Variants in CPEB4 observed in about 807,000 individuals in gnomAD.
CPEB4 encodes cytoplasmic polyadenylation element binding protein 4.
CPEB4 carries 12 observed loss-of-function variants against 72.5 expected under a neutral mutation model. The ratio of observed to expected loss-of-function variants is 0.17; its 90% CI spans 0.11 to 0.27. The LOEUF (loss-of-function observed/expected upper bound fraction) is 0.27. Among genes scored for constraint, CPEB4 ranks in the 10% least tolerant of loss-of-function variants. CPEB4 has a pLI of 1.00. For missense variants in CPEB4, 614 were observed against 908.5 expected (o/e 0.68, Z 4.17); for synonymous variants, 302 against 326.3 (o/e 0.93, Z 0.80).
At chr5:173,953,348 G>T in intron 9 of CPEB4, 76 bp downstream of exon 9, 1 of 1,122,380 alleles carries the variant, frequency 8.9e-7, no homozygotes, top group Non-Finnish European at 1.2e-6. Flanking sequence ...TAGAACGGGA[G>T]CATTTTATGA....
chr5:173,954,896 T>C (rs1758329195), intron 9 of CPEB4, among the ~76,000 whole-genome samples: 1 of 152,206 alleles, frequency 6.6e-6, no homozygotes, highest in Non-Finnish European at 1.5e-5. Context: ...TTCCTGGGCT[T>C]CGTGACACTC....
chr5:173,909,294 T>A (rs934239383), intron 1 of CPEB4, among the ~76,000 whole-genome samples: 1 of 152,240 alleles, frequency 6.6e-6, no homozygotes, highest in Non-Finnish European at 1.5e-5. Context: ...AAATTCTAAC[T>A]CTTATTCTAA....
At chr5:173,949,884 G>A in intron 6 of CPEB4, 76 bp from the exon 7 acceptor site, 1 of 976,700 alleles carries the variant, frequency 1.0e-6, no homozygotes, top group Non-Finnish European at 1.6e-6. Context: ...CTTTAGTTTT[G>A]TGCATGATTC....
chr5:173,946,964 C>A (rs115196775), intron 5 of CPEB4, among the ~76,000 whole-genome samples: 1 of 151,914 alleles, frequency 6.6e-6, no homozygotes, highest in Non-Finnish European at 1.5e-5. Flanking sequence ...TTTTTCCCCC[C>A]CAAGATAAGG....
chr5:173,937,917 G>A (rs1307197321), intron 3 of CPEB4, among the ~76,000 whole-genome samples: 3 of 152,122 alleles, frequency 2.0e-5, no homozygotes, highest in Non-Finnish European at 2.9e-5. Flanking sequence ...CAATGTGATA[G>A]GAATTTCTAA....
At chr5:173,951,501 A>G (rs1758215267) in intron 7 of CPEB4, among the ~76,000 whole-genome samples, 1 of 152,190 alleles carries the variant, frequency 6.6e-6, no homozygotes, top group Non-Finnish European at 1.5e-5. Context: ...AATTTAAATT[A>G]TGTAGATATT....
intron 9 of CPEB4, among the ~76,000 whole-genome samples, chr5:173,953,726 CT>C (rs56660397): frequency 0.62 from 87,563 of 141,540 alleles, 27,000 homozygotes; most frequent in Middle Eastern, 0.7. Flanking sequence ...TCACAGATTT[CT>C]TTTTTTTTTT....
intron 1 of CPEB4, among the ~76,000 whole-genome samples, chr5:173,896,345 G>C (rs1299608355): frequency 6.6e-6 from 1 of 152,198 alleles, no homozygotes; most frequent in African/African-American, 2.4e-5. Flanking sequence ...GTTTTACCAT[G>C]ATAAATTTAG....
At position 173,888,369 on chromosome 5, in the gene CPEB4, G is replaced by T. The variant is rs1459529431; in HGVS notation, c.-1365G>T. On this transcript the variant is annotated 5_prime_UTR_variant, in exon 1 of 10. Transcript: ENST00000265085. The surrounding 1 kb of genome is among the most constrained non-coding windows in gnomAD (Gnocchi z 4.3). ...ATTTCACTCGGCTCGGTCCTGAGGA[G>T]AAGGACTCAGCCGCGGCTGCGGGAC... 2.2e-6 allele frequency: 1 copy of T among 445,572 alleles called. No individual in the cohort carries two copies. Among genetic ancestry groups the T allele is most frequent in the East Asian group, 3.5e-5 (1 of 28,794 alleles). The allele number at this position is 445,572 out of a possible 1,614,324, so 27.6% of individuals were successfully genotyped here. A position where few individuals can be genotyped will look rare whatever the true frequency, so the allele number is the denominator to read the frequency against.
intron 8 of CPEB4, 27 bp downstream of exon 8, chr5:173,951,965 C>G: frequency 7.1e-7 from 1 of 1,407,498 alleles, no homozygotes; most frequent in Admixed American, 1.7e-5. Context: ...GACAAACTCT[C>G]TACCCTATAG....
intron 1 of CPEB4, among the ~76,000 whole-genome samples, chr5:173,894,342 G>C (rs549223027): frequency 2.8e-4 from 43 of 152,004 alleles, no homozygotes; most frequent in Admixed American, 3.3e-4. Context: ...AACATGTGGC[G>C]GGGTGCGGTA....
chr5:173,906,429 T>G (rs574824392), intron 1 of CPEB4, among the ~76,000 whole-genome samples: 63 of 152,352 alleles, frequency 4.1e-4, no homozygotes, highest in Middle Eastern at 3.4e-3. Flanking sequence ...TGACAAAATA[T>G]GTGGCTTTTG....
intron 5 of CPEB4, among the ~76,000 whole-genome samples, chr5:173,946,639 C>G (rs940757804): frequency 6.6e-6 from 1 of 152,146 alleles, no homozygotes; most frequent in Non-Finnish European, 1.5e-5. Flanking sequence ...AGCTCTCTGA[C>G]AAGAGAATTC....
intron 1 of CPEB4, among the ~76,000 whole-genome samples, chr5:173,902,815 A>G (rs968105496): frequency 2.0e-5 from 3 of 152,132 alleles, no homozygotes; most frequent in African/African-American, 7.3e-5. Context: ...TTTTCTGCTT[A>G]TTAAAATCTG....
At chr5:173,912,883 A>T (rs2340010) in intron 2 of CPEB4, among the ~76,000 whole-genome samples, 13,381 of 147,686 alleles carry the variant, frequency 0.091, 1,610 homozygotes, top group East Asian at 0.52. Context: ...TTGAGGCTGC[A>T]GTGAGCTGTG....
rs2113109052 is a variant in CPEB4, at chr5:173,890,062, C to T, written c.329C>T (p.Thr110Ile). Residue 110 changes from threonine to isoleucine, a missense_variant, in exon 1 of 10, where the codon ACA becomes ATA. Thr to Ile is a moderately conservative substitution (Grantham distance 89). This residue lies in a region of CPEB4 where 458 missense variants were observed against 548.6 expected (regional missense o/e 0.83). Transcript: ENST00000265085. ...CAGGAAGCTGGAATACTGCCTGAAA[C>T]AGAGAAGGCAAAATCAGAAGAAAAT... ...PGQEAGILPE[T>I]EKAKSEENQG... The T allele has an allele frequency of 6.2e-7, 1 of 1,614,070 alleles. No individual in the cohort carries two copies. The highest frequency in any genetic ancestry group is 8.5e-7 in the Non-Finnish European group (1 of 1,179,976).
Position 173,888,848 on chromosome 5 carries a change from C to A in CPEB4, c.-886C>A. 3.5e-6 allele frequency: 1 copy of A among 286,948 alleles called. No homozygotes were observed. Among genetic ancestry groups the A allele is most frequent in the Non-Finnish European group, 6.4e-6 (1 of 156,076 alleles). The allele number at this position is 286,948 out of a possible 1,614,324, so 17.8% of individuals were successfully genotyped here. On this transcript the variant is annotated 5_prime_UTR_variant, in exon 1 of 10. Coordinates refer to ENST00000265085, the MANE Select transcript of CPEB4 (RefSeq NM_030627.4). This position sits in a 1 kb window ranked among gnomAD's most constrained non-coding sequence, Gnocchi z 4.3. ...CCCCCTCGGTCCCCGCACCCCCAGGCCGCCCGCTCACCCTCGTCGAGTCTC... is the reference window on the plus strand; with the variant it reads ...CCCCCTCGGTCCCCGCACCCCCAGGACGCCCGCTCACCCTCGTCGAGTCTC...
intron 1 of CPEB4, among the ~76,000 whole-genome samples, chr5:173,901,329 A>T (rs531553750): frequency 6.6e-6 from 1 of 152,216 alleles, no homozygotes; most frequent in Non-Finnish European, 1.5e-5. Flanking sequence ...TCATAATTCT[A>T]TTAGGGAACA....
At chr5:173,932,806 A>G (rs1457743216) in intron 3 of CPEB4, among the ~76,000 whole-genome samples, 7 of 152,218 alleles carry the variant, frequency 4.6e-5, no homozygotes, top group African/African-American at 1.7e-4. Context: ...AAATGTCAAC[A>G]TAAAAGCCAT....
Sources: gnomAD v4.1 joint callset for allele counts (sites outside exome capture counted in the v4.1 genomes callset) on GRCh38, gnomAD v4.1.1 for gene constraint, gnomAD v4.1.1 regional missense constraint, Gnocchi (gnomAD v3.1) non-coding constraint, MANE v1.5 for transcripts, NCBI Gene and HGNC (gene_info 2026-07-23, HGNC 2026-07-21) for gene names.